RYR2: variants seen among roughly 807,000 people sequenced by gnomAD.
RYR2 encodes cardiac muscle ryanodine receptor-calcium release channel.
In RYR2, 227 loss-of-function variants were observed where a neutral mutation model predicts 601.1. The ratio of observed to expected loss-of-function variants is 0.38; its 90% CI spans 0.34 to 0.42. RYR2 has a LOEUF of 0.42. RYR2 is among the 10% of genes least tolerant of loss of function. The pLI is 1.00. For synonymous variants in RYR2, 2,223 were observed against 2,175.1 expected, an observed-to-expected ratio of 1.02 and a Z score of -0.61; for missense variants, 4,646 against 6,156.5, an observed-to-expected ratio of 0.75 and a Z score of 8.21.
intron 2 of RYR2, among the ~76,000 whole-genome samples, chr1:237,307,781 T>C (rs10802600): frequency 0.45 from 68,113 of 152,072 alleles, 16,046 homozygotes; most frequent in African/African-American, 0.59. Flanking sequence ...GTAAGTTAAT[T>C]TGGGCTATTA....
intron 1 of RYR2, among the ~76,000 whole-genome samples, chr1:237,187,346 G>T (rs774829747): frequency 2.0e-5 from 3 of 151,442 alleles, no homozygotes; most frequent in Non-Finnish European, 4.4e-5. Context: ...TACCATGTTG[G>T]CCAGGATGGT....
chr1:237,258,395 G>C (rs900677178), intron 1 of RYR2, among the ~76,000 whole-genome samples: 2 of 151,956 alleles, frequency 1.3e-5, no homozygotes, highest in Admixed American at 1.3e-4. Context: ...CAGGACTACA[G>C]GCAGTCAGGA....
chr1:237,455,128 G>C (rs1213203226), intron 15 of RYR2, among the ~76,000 whole-genome samples: 1 of 152,004 alleles, frequency 6.6e-6, no homozygotes, highest in Non-Finnish European at 1.5e-5. Flanking sequence ...TGCCCCAAAA[G>C]TTTCACTGCT....
At position 237,832,538 on chromosome 1, in the gene RYR2, C is replaced by T. The variant is rs762090515; in HGVS notation, c.14809-14C>T. 7 of 1,572,732 alleles carry T rather than the reference C, an allele frequency of 4.5e-6. No individual in the cohort carries two copies. In the Admixed American group the frequency reaches 1.0e-4, roughly 23 times the overall value. On this transcript the variant is annotated splice_polypyrimidine_tract_variant and intron_variant, in intron 104 of 104. Coordinates refer to ENST00000366574, the MANE Select transcript of RYR2 (RefSeq NM_001035.3). ...TTTGGGGAAAATGTTAATACATTTC[C>T]TTGACTTTTGCAGGAATCTTATGTC...
chr1:237,268,941 A>AC (rs1689365019), intron 1 of RYR2, among the ~76,000 whole-genome samples: 1 of 147,894 alleles, frequency 6.8e-6, no homozygotes, highest in Non-Finnish European at 1.5e-5. Flanking sequence ...GTCTCAAAAA[A>AC]AAAAAAAAAA....
intron 33 of RYR2, 119 bp downstream of exon 33, chr1:237,593,755 C>A (rs1242187049): frequency 2.0e-5 from 21 of 1,057,212 alleles, no homozygotes; most frequent in African/African-American, 4.8e-5. Flanking sequence ...AGAATATAAT[C>A]AAGCCATTAA....
At position 237,628,041 on chromosome 1, in the gene RYR2, T is replaced by G. The variant is rs1679862794; in HGVS notation, c.6401T>G (p.Met2134Arg). ...ATTCGGTCCCTGCTGAGTGTGAGAA[T>G]GGGCAAAGAAGAAGAGAAGCTCATG... ...GQIRSLLSVR[M>R]GKEEEKLMIR... Residue 2134 changes from methionine (M) to arginine (R), a missense_variant, in exon 41 of 105, where the codon ATG becomes AGG. By Grantham distance (91) the Met-to-Arg change is moderately conservative (BLOSUM62 -1). Transcript: ENST00000366574. 6.2e-7 allele frequency: 1 copy of G among 1,613,722 alleles called. No individual in the cohort carries two copies.
intron 2 of RYR2, among the ~76,000 whole-genome samples, chr1:237,288,636 G>A (rs1442749740): frequency 3.3e-5 from 5 of 152,096 alleles, no homozygotes; most frequent in African/African-American, 1.2e-4. Context: ...CACGCAAACA[G>A]AAGGGCCAGT....
intron 28 of RYR2, among the ~76,000 whole-genome samples, chr1:237,568,806 C>T (rs77022103): frequency 0.028 from 4,307 of 152,092 alleles, 196 homozygotes; most frequent in African/African-American, 0.097. Flanking sequence ...CATTCATTGT[C>T]GCAGAAAAAT....
rs1675494482 is a variant in RYR2, at chr1:237,593,702, C to G, written c.4436+66C>G. 6.0e-6 allele frequency: 9 copies of G among 1,501,800 alleles called. No individual in the cohort carries two copies. The South Asian group carries it at 1.0e-4, about 17-fold the overall frequency. The allele number at this position is 1,501,800 out of a possible 1,614,324, so 93.0% of individuals were successfully genotyped here. ...AAAATATTGGTGAACCTAGCTATTCCTTTTCCTTGTATTTTGTGACCAAGG... is the reference window on the plus strand; with the variant it reads ...AAAATATTGGTGAACCTAGCTATTCGTTTTCCTTGTATTTTGTGACCAAGG... On this transcript the variant is annotated intron_variant, in intron 33 of 104. Coordinates refer to ENST00000366574, the MANE Select transcript of RYR2 (RefSeq NM_001035.3).
chr1:237,367,110 TC>T (rs1700261015), intron 5 of RYR2, among the ~76,000 whole-genome samples: 1 of 147,708 alleles, frequency 6.8e-6, no homozygotes, highest in African/African-American at 2.5e-5. Context: ...GTTTTTGTTT[TC>T]GAGATAGAAT....
Position 237,605,940 on chromosome 1 carries a change from A to G in RYR2, c.4683+3829A>G, listed in dbSNP as rs1220562226. ...AGAGGACACAAACAAATGGAAGAAC[A>G]TTCCATGCTCATGGGTAGGAAGAAT... On this transcript the variant is annotated intron_variant, in intron 35 of 104. Coordinates refer to ENST00000366574, the MANE Select transcript of RYR2 (RefSeq NM_001035.3). 6.6e-5 allele frequency among the ~76,000 whole-genome samples: 10 copies of G among 151,604 alleles called. No homozygotes were observed. The East Asian group carries it at 1.7e-3, about 26-fold the overall frequency.
intron 1 of RYR2, among the ~76,000 whole-genome samples, chr1:237,208,865 A>AT (rs1182834320): frequency 6.8e-6 from 1 of 146,204 alleles, no homozygotes; most frequent in East Asian, 2.0e-4. Context: ...ACATCTTTGT[A>AT]TTTCCCCTCG....
chr1:237,407,739 C>T lies in RYR2; in HGVS notation c.774-9310C>T, dbSNP rs2149979988. On this transcript the variant is annotated intron_variant, in intron 10 of 104. Transcript: ENST00000366574. Reference sequence around the variant, plus strand: ...TCACGCCATTCTCCTGCCTCAGCCTCCAGAGTAGCTATGACTACAGGTGCC... The same window carrying T: ...TCACGCCATTCTCCTGCCTCAGCCTTCAGAGTAGCTATGACTACAGGTGCC... Among the ~76,000 whole-genome samples, 3 of 151,694 alleles carry T rather than the reference C, an allele frequency of 2.0e-5. No individual in the cohort carries two copies. In the East Asian group the frequency reaches 5.8e-4, roughly 30 times the overall value.
intron 80 of RYR2, among the ~76,000 whole-genome samples, chr1:237,752,318 A>AT (rs1016130051): frequency 6.6e-5 from 10 of 152,178 alleles, no homozygotes; most frequent in African/African-American, 2.4e-4. Flanking sequence ...AAGCCTGGCT[A>AT]TTTTTAGTTT....
At chr1:237,275,074 G>GCA (rs1243949611) in intron 2 of RYR2, among the ~76,000 whole-genome samples, 1 of 149,724 alleles carries the variant, frequency 6.7e-6, no homozygotes. Flanking sequence ...CATGGGTGAT[G>GCA]CACACACACA....
At chr1:237,335,056 T>C (rs912968623) in intron 3 of RYR2, among the ~76,000 whole-genome samples, 2 of 152,196 alleles carry the variant, frequency 1.3e-5, no homozygotes, top group African/African-American at 4.8e-5. Context: ...TCTCTGGGCT[T>C]GATGGCTTTC....
chr1:237,581,255 C>A (rs1378468332), intron 29 of RYR2, among the ~76,000 whole-genome samples: 2 of 152,156 alleles, frequency 1.3e-5, no homozygotes, highest in East Asian at 3.9e-4. Context: ...TTGTCCATTT[C>A]AAGCTTCTCA....
At chr1:237,496,489 T>A in intron 19 of RYR2, 22 bp from the exon 20 acceptor site, 2 of 1,607,744 alleles carry the variant, frequency 1.2e-6, no homozygotes, top group Non-Finnish European at 1.7e-6. Flanking sequence ...TTTCCTTACA[T>A]GTGATTCCCG....
Sources: allele counts gnomAD v4.1 joint callset (sites outside exome capture counted in the v4.1 genomes callset), GRCh38; gene constraint gnomAD v4.1.1; transcripts MANE v1.5; gene names NCBI Gene and HGNC (gene_info 2026-07-23, HGNC 2026-07-21).